AFF3: variants seen among roughly 807,000 people sequenced by gnomAD.
AFF3 encodes ALF transcription elongation factor 3.
AFF3 carries 32 observed loss-of-function variants against 129.7 expected under a neutral mutation model. The ratio of observed to expected loss-of-function variants is 0.25; its 90% CI spans 0.19 to 0.33. AFF3 has a LOEUF of 0.33. Among genes scored for constraint, AFF3 ranks in the 10% least tolerant of loss-of-function variants. AFF3 has a pLI of 1.00. For synonymous variants in AFF3, 644 were observed against 635.4 expected (o/e 1.01, Z -0.20); for missense variants, 1,373 against 1,592.0 (o/e 0.86, Z 2.34).
At chr2:99,646,260 G>C (rs1018557022) in intron 13 of AFF3, among the ~76,000 whole-genome samples, 1 of 152,208 alleles carries the variant, frequency 6.6e-6, no homozygotes, top group African/African-American at 2.4e-5. Flanking sequence ...CCATGGATGA[G>C]CAAACTTATA....
intron 13 of AFF3, among the ~76,000 whole-genome samples, chr2:99,641,055 C>T (rs1365836609): frequency 6.6e-6 from 1 of 152,208 alleles, no homozygotes; most frequent in Non-Finnish European, 1.5e-5. Context: ...TCCCTGTCCA[C>T]CCTGCAGCCT....
Position 99,886,299 on chromosome 2 carries a change from C to T in AFF3, c.874-48775G>A, listed in dbSNP as rs576885081. The stretch of plus-strand genomic sequence containing the variant: ...AAAGTTGGTGGAGCACTTACTTTGT[C>T]CCTGGCCAGCTCCTGCTGGGGAACC... On this transcript the variant is annotated intron_variant, in intron 7 of 24. Transcript: ENST00000672756. Among the ~76,000 whole-genome samples the T allele has an allele frequency of 3.3e-5, 5 of 152,298 alleles. No homozygotes were observed. The South Asian group carries it at 1.0e-3, about 32-fold the overall frequency.
intron 1 of AFF3, among the ~76,000 whole-genome samples, chr2:100,141,909 A>G (rs986735498): frequency 3.3e-4 from 50 of 152,112 alleles, no homozygotes; most frequent in African/African-American, 1.2e-3. Context: ...GTTCCATCCA[A>G]GAAATACAAA....
At chr2:100,007,091 T>C (rs1682042158) in intron 6 of AFF3, 57 bp downstream of exon 6, 33 of 1,593,780 alleles carry the variant, frequency 2.1e-5, no homozygotes, top group Middle Eastern at 1.7e-4. Flanking sequence ...TTTTTCATTA[T>C]AGTTCTCTGG....
In AFF3 at chr2:99,752,280, G is replaced by A. The variant is rs368200767; in HGVS notation, c.943C>T (p.Leu315Phe). 2.5e-6 allele frequency: 4 copies of A among 1,613,980 alleles called. No homozygotes were observed. The East Asian group carries it at 8.9e-5, about 36-fold the overall frequency. ...IIREMTWLPP[L>F]SAIQAPGKVE... ...TTGCCAGGTGCTTGAATAGCAGAAA[G>A]TGGTGGAAGCCAGGTCATCTCCTGA... The change falls in exon 9 of 25, where the codon CTT becomes TTT. Residue 315 changes from leucine to phenylalanine, a missense_variant. By Grantham distance (22) the Leu-to-Phe change is conservative. Around this residue, in one of 9 missense-constraint regions of AFF3, gnomAD observed 413 missense variants for 424.4 expected, o/e 0.97. Transcript: ENST00000672756.
At chr2:99,552,922 A>G (rs1428072066) in intron 24 of AFF3, among the ~76,000 whole-genome samples, 2 of 152,066 alleles carry the variant, frequency 1.3e-5, no homozygotes, top group Non-Finnish European at 2.9e-5. Context: ...TCAACTGCTA[A>G]GCGCTTTTCT....
intron 7 of AFF3, among the ~76,000 whole-genome samples, chr2:99,946,279 C>G (rs1241423065): frequency 6.6e-6 from 1 of 151,528 alleles, no homozygotes; most frequent in Non-Finnish European, 1.5e-5. Flanking sequence ...TTGAAACCAG[C>G]TTGGCCAACA....
intron 12 of AFF3, among the ~76,000 whole-genome samples, chr2:99,650,473 C>T (rs779590655): frequency 4.6e-5 from 7 of 152,092 alleles, no homozygotes; most frequent in South Asian, 2.1e-4. Flanking sequence ...GCAAGAGAAT[C>T]GCTTGAAACC....
rs192249434 is a variant in AFF3, at chr2:99,814,306, A to G, written c.921+23171T>C. ...CTGGGGGCTTGGGGATAACTAACTGAAGCCTGAAAAAGCCCACAGGGGAAA... is the reference window on the plus strand; with the variant it reads ...CTGGGGGCTTGGGGATAACTAACTGGAGCCTGAAAAAGCCCACAGGGGAAA... On this transcript the variant is annotated intron_variant, in intron 8 of 24. Coordinates refer to ENST00000672756, the MANE Select transcript of AFF3 (RefSeq NM_001386135.1). Among the ~76,000 whole-genome samples the G allele has an allele frequency of 9.5e-4, 144 of 152,150 alleles. 3 individuals are homozygous for G. The highest frequency in any genetic ancestry group is 9.3e-4 in the Non-Finnish European group (63 of 68,006).
intron 13 of AFF3, among the ~76,000 whole-genome samples, chr2:99,643,427 G>C (rs1684401590): frequency 6.6e-6 from 1 of 152,018 alleles, no homozygotes; most frequent in Non-Finnish European, 1.5e-5. Context: ...CCTCAGGGCA[G>C]GGTTGATATG....
chr2:99,657,720 GGTTT>G (rs1187497922), intron 12 of AFF3, among the ~76,000 whole-genome samples: 2 of 152,104 alleles, frequency 1.3e-5, no homozygotes, highest in South Asian at 4.2e-4. Context: ...ACATTACTTA[GGTTT>G]GTTTATGTCT....
At chr2:99,698,666 G>A (rs745802356) in intron 11 of AFF3, among the ~76,000 whole-genome samples, 10 of 152,196 alleles carry the variant, frequency 6.6e-5, no homozygotes, top group Non-Finnish European at 1.5e-4. Context: ...GCACTCTTCT[G>A]CAAGGAGAAA....
chr2:100,139,668 T>G (rs1692784705), intron 1 of AFF3, among the ~76,000 whole-genome samples: 1 of 152,228 alleles, frequency 6.6e-6, no homozygotes, highest in African/African-American at 2.4e-5. Context: ...GAAAGGAGCA[T>G]GTATTTTTGG....
intron 4 of AFF3, among the ~76,000 whole-genome samples, chr2:100,082,921 A>G (rs1321273135): frequency 2.6e-5 from 4 of 152,086 alleles, no homozygotes; most frequent in Non-Finnish European, 5.9e-5. Context: ...TCTCTACTAA[A>G]AATACAAAAT....
intron 7 of AFF3, among the ~76,000 whole-genome samples, chr2:99,851,946 T>C (rs1471102109): frequency 1.3e-5 from 2 of 152,134 alleles, no homozygotes; most frequent in Non-Finnish European, 2.9e-5. Flanking sequence ...AGACTAGTCC[T>C]AGCCTGAAGT....
chr2:100,056,063 TCACACACACA>T (rs369771394), intron 4 of AFF3, among the ~76,000 whole-genome samples: 2 of 120,570 alleles, frequency 1.7e-5, no homozygotes, highest in East Asian at 4.8e-4. Flanking sequence ...TGTCTCTCTC[TCACACACACA>T]CACACACACA....
At chr2:100,040,387 T>C (rs943857021) in intron 4 of AFF3, among the ~76,000 whole-genome samples, 1 of 152,164 alleles carries the variant, frequency 6.6e-6, no homozygotes, top group East Asian at 1.9e-4. Context: ...TGAGATACAA[T>C]TATTTTACTA....
intron 4 of AFF3, among the ~76,000 whole-genome samples, chr2:100,025,653 A>C (rs969434009): frequency 1.3e-5 from 2 of 152,234 alleles, no homozygotes; most frequent in African/African-American, 4.8e-5. Flanking sequence ...AAACTATACT[A>C]TAAGGCCGTA....
chr2:99,970,950 C>T (rs1000734106), intron 7 of AFF3, among the ~76,000 whole-genome samples: 1 of 152,188 alleles, frequency 6.6e-6, no homozygotes, highest in African/African-American at 2.4e-5. Flanking sequence ...TAAGTGTCTA[C>T]GTCTATAATA....
Sources: gnomAD v4.1 joint callset for allele counts (sites outside exome capture counted in the v4.1 genomes callset) on GRCh38, gnomAD v4.1.1 for gene constraint, gnomAD v4.1.1 regional missense constraint, MANE v1.5 for transcripts, NCBI Gene and HGNC (gene_info 2026-07-23, HGNC 2026-07-21) for gene names.